The following ANKS1B variants were observed in gnomAD, a reference collection of about 807,000 sequenced individuals.
ANKS1B encodes ankyrin repeat and sterile alpha motif domain containing 1B.
In ANKS1B, 36 loss-of-function variants were observed where a neutral mutation model predicts 148.3. The observed-to-expected ratio is 0.24, with a 90% confidence interval of 0.19 to 0.32. ANKS1B has a LOEUF of 0.32. Ranked by LOEUF, ANKS1B falls within the 10% of genes least tolerant of loss-of-function variation. ANKS1B has a pLI of 1.00. For synonymous variants in ANKS1B, 542 were observed against 560.8 expected, an observed-to-expected ratio of 0.97 and a Z score of 0.47; for missense variants, 1,157 against 1,542.6, an observed-to-expected ratio of 0.75 and a Z score of 4.19.
chr12:98,983,447 A>G (rs1268551603), intron 17 of ANKS1B, among the ~76,000 whole-genome samples: 1 of 152,170 alleles, frequency 6.6e-6, no homozygotes, highest in Non-Finnish European at 1.5e-5. Flanking sequence ...AAAAGTCAAT[A>G]TATAAAGAGC....
chr12:99,030,229 T>C (rs1432948247), intron 17 of ANKS1B, among the ~76,000 whole-genome samples: 1 of 152,174 alleles, frequency 6.6e-6, no homozygotes, highest in Admixed American at 6.5e-5. Flanking sequence ...CCCCAGCAAG[T>C]GCAGGGGCTG....
At chr12:98,920,321 T>C (rs779468785) in intron 17 of ANKS1B, among the ~76,000 whole-genome samples, 8 of 152,236 alleles carry the variant, frequency 5.3e-5, no homozygotes, top group Non-Finnish European at 7.3e-5. Context: ...TGTAGAAATG[T>C]ATCTACTTCC....
chr12:98,841,751 GA>G (rs1349903474), intron 17 of ANKS1B, among the ~76,000 whole-genome samples: 9 of 150,360 alleles, frequency 6.0e-5, no homozygotes, highest in East Asian at 3.9e-4. Flanking sequence ...TCAAAAAGAG[GA>G]AAAAAAAAGG....
chr12:99,672,774 T>C (rs2098544314), intron 8 of ANKS1B, among the ~76,000 whole-genome samples: 1 of 152,154 alleles, frequency 6.6e-6, no homozygotes, highest in South Asian at 2.1e-4. Context: ...ATAGTTTGTT[T>C]TACATATTTA....
intron 10 of ANKS1B, among the ~76,000 whole-genome samples, chr12:99,456,634 G>A (rs2095851770): frequency 6.6e-6 from 1 of 152,088 alleles, no homozygotes; most frequent in South Asian, 2.1e-4. Flanking sequence ...GCACTGGGAA[G>A]TCTCACAATA....
At chr12:98,980,825 A>G (rs753044779) in intron 17 of ANKS1B, among the ~76,000 whole-genome samples, 56 of 152,164 alleles carry the variant, frequency 3.7e-4, no homozygotes, top group Non-Finnish European at 7.5e-4. Context: ...TCAGCCAGGA[A>G]GTAAATCCAA....
chr12:99,290,084 A>G (rs1012488223), intron 12 of ANKS1B, among the ~76,000 whole-genome samples: 11 of 151,794 alleles, frequency 7.2e-5, no homozygotes, highest in Admixed American at 2.0e-4. Flanking sequence ...AAAAGGAGAT[A>G]CTACAACTGA....
chr12:99,618,789 A>G (rs1247020681), intron 9 of ANKS1B, among the ~76,000 whole-genome samples: 3 of 152,126 alleles, frequency 2.0e-5, no homozygotes, highest in Non-Finnish European at 4.4e-5. Flanking sequence ...TTCTGTTTTT[A>G]ATTCGAGTGC....
chr12:99,670,484 A>T (rs897371159), intron 8 of ANKS1B, among the ~76,000 whole-genome samples: 1 of 152,100 alleles, frequency 6.6e-6, no homozygotes, highest in African/African-American at 2.4e-5. Context: ...TATGCCCAAT[A>T]TTTCAAATAA....
At chr12:98,794,939 A>G (rs771706499) in intron 22 of ANKS1B, 507 of 1,286,246 alleles carry the variant, frequency 3.9e-4, no homozygotes, top group Non-Finnish European at 5.0e-4. Context: ...CAGCAGCTAC[A>G]AGAGGATGTG....
intron 10 of ANKS1B, among the ~76,000 whole-genome samples, chr12:99,444,717 AT>A (rs1188298530): frequency 7.9e-5 from 12 of 152,012 alleles, no homozygotes; most frequent in African/African-American, 2.2e-4. Flanking sequence ...TGCCAAAAAA[AT>A]AAAAAATAAA....
intron 1 of ANKS1B, among the ~76,000 whole-genome samples, chr12:99,888,330 C>T (rs1480836068): frequency 1.3e-5 from 2 of 152,252 alleles, no homozygotes; most frequent in East Asian, 1.9e-4. Context: ...ACCTAACTAA[C>T]GTAGCTTCAC....
chr12:98,986,128 A>AT (rs2099923241), intron 17 of ANKS1B, among the ~76,000 whole-genome samples: 1 of 150,908 alleles, frequency 6.6e-6, no homozygotes, highest in Admixed American at 6.6e-5. Flanking sequence ...TAATATTTCT[A>AT]TTTTTTTGGC....
At chr12:98,996,013 G>A (rs1182630316) in intron 17 of ANKS1B, among the ~76,000 whole-genome samples, 5 of 151,480 alleles carry the variant, frequency 3.3e-5, no homozygotes, top group East Asian at 3.9e-4. Flanking sequence ...AAGAACTACC[G>A]AAGGACTAGA....
Position 99,633,869 on chromosome 12 carries a change from G to C in ANKS1B, c.1272+21198C>G, listed in dbSNP as rs374385687. On this transcript the variant is annotated intron_variant, in intron 9 of 26. Coordinates refer to ENST00000683438, the MANE Select transcript of ANKS1B (RefSeq NM_001352186.2). ...AAAGAAGACATTTATGAAGCCAACA[G>C]ACACTGTGTCTTCCTTTTCTAATGG... is the stretch of plus-strand genomic sequence containing the variant. 2.0e-5 allele frequency among the ~76,000 whole-genome samples: 3 copies of C among 152,314 alleles called. No individual in the cohort carries two copies. In the East Asian group the frequency reaches 5.8e-4, roughly 29 times the overall value.
chr12:98,992,229 TG>T (rs2099927037), intron 17 of ANKS1B, among the ~76,000 whole-genome samples: 1 of 152,216 alleles, frequency 6.6e-6, no homozygotes, highest in African/African-American at 2.4e-5. Flanking sequence ...TTACAATTGT[TG>T]TGTCTTCTGC....
chr12:99,691,066 T>C (rs898639333), intron 8 of ANKS1B, among the ~76,000 whole-genome samples: 2 of 152,234 alleles, frequency 1.3e-5, no homozygotes, highest in African/African-American at 4.8e-5. Context: ...ACACCAAGGC[T>C]TGGGGCTTGC....
At chr12:99,474,458 A>G (rs1322935555) in intron 10 of ANKS1B, among the ~76,000 whole-genome samples, 2 of 152,264 alleles carry the variant, frequency 1.3e-5, no homozygotes, top group East Asian at 1.9e-4. Context: ...TACATTAAAT[A>G]TAAGTAGAAT....
At chr12:99,584,297 T>G (rs2097601609) in intron 9 of ANKS1B, among the ~76,000 whole-genome samples, 1 of 152,158 alleles carries the variant, frequency 6.6e-6, no homozygotes, top group African/African-American at 2.4e-5. Context: ...GTGAAATTCT[T>G]CTATATTAAA....
Sources: allele counts gnomAD v4.1 joint callset (sites outside exome capture counted in the v4.1 genomes callset), GRCh38; gene constraint gnomAD v4.1.1; transcripts MANE v1.5; gene names NCBI Gene and HGNC (gene_info 2026-07-23, HGNC 2026-07-21).